Variants in GRIA4 observed in about 807,000 individuals in gnomAD.
GRIA4 encodes the protein glutamate receptor 4.
GRIA4 carries 34 observed loss-of-function variants against 104.0 expected under a neutral mutation model. That is an observed-to-expected ratio of 0.33 (90% CI 0.25 to 0.44). The LOEUF (loss-of-function observed/expected upper bound fraction) is 0.44, where lower values mean the gene tolerates loss of function less well. Ranked by LOEUF, GRIA4 falls within the 20% of genes least tolerant of loss-of-function variation. The pLI is 1.00. For synonymous variants in GRIA4, 386 were observed against 381.9 expected (o/e 1.01, Z -0.13); for missense variants, 750 against 1,096.5 (o/e 0.68, Z 4.46).
At chr11:105,873,145 A>C (rs112150026) in intron 5 of GRIA4, among the ~76,000 whole-genome samples, 15 of 151,658 alleles carry the variant, frequency 9.9e-5, no homozygotes, top group African/African-American at 3.6e-4. Context: ...TCATTGTTCA[A>C]CTCTCACTTA....
rs965108811 is a variant in GRIA4 at position 105,748,312 on chromosome 11, G to A, written c.248-4669G>A. ...TGGGCTTCCTCACAGCATGGTGGCT[G>A]AGTAAAAAGGTTGTCTATCCCCAGA... On this transcript the variant is annotated intron_variant, in intron 3 of 16. Coordinates refer to ENST00000282499, the MANE Select transcript of GRIA4 (RefSeq NM_000829.4). Among the ~76,000 whole-genome samples the A allele has an allele frequency of 2.0e-4, 30 of 152,114 alleles. 1 individual carries two copies. The highest frequency in any genetic ancestry group is 1.8e-3 in the Admixed American group (28 of 15,262).
intron 8 of GRIA4, among the ~76,000 whole-genome samples, chr11:105,904,655 A>G (rs1473699287): frequency 6.6e-6 from 1 of 152,198 alleles, no homozygotes; most frequent in South Asian, 2.1e-4. Flanking sequence ...TACATATTTA[A>G]TGTTACATTT....
intron 3 of GRIA4, among the ~76,000 whole-genome samples, chr11:105,634,402 A>G (rs1458893287): frequency 6.8e-6 from 1 of 147,924 alleles, no homozygotes; most frequent in Non-Finnish European, 1.5e-5. Flanking sequence ...GAAGGAAGGA[A>G]GGAGAAAGGA....
chr11:105,617,839 A>C (rs2135260935), intron 3 of GRIA4, among the ~76,000 whole-genome samples: 1 of 152,152 alleles, frequency 6.6e-6, no homozygotes, highest in East Asian at 1.9e-4. Context: ...TGGGAAAGAG[A>C]GACAAGTCAG....
At chr11:105,976,071 G>A (rs1858966295) in intron 16 of GRIA4, among the ~76,000 whole-genome samples, 1 of 152,052 alleles carries the variant, frequency 6.6e-6, no homozygotes, top group Non-Finnish European at 1.5e-5. Flanking sequence ...TGTTTACAGA[G>A]TTGATGAGAG....
intron 5 of GRIA4, among the ~76,000 whole-genome samples, chr11:105,865,091 G>A (rs775791327): frequency 4.6e-5 from 7 of 151,990 alleles, no homozygotes; most frequent in South Asian, 2.1e-4. Context: ...GAACTAATTC[G>A]TTCTTATAAA....
intron 3 of GRIA4, among the ~76,000 whole-genome samples, chr11:105,686,525 C>A (rs1376588411): frequency 6.6e-6 from 1 of 152,116 alleles, no homozygotes; most frequent in African/African-American, 2.4e-5. Context: ...AATAGAGCTG[C>A]AATAATCATG....
intron 3 of GRIA4, among the ~76,000 whole-genome samples, chr11:105,661,868 T>C (rs1387530796): frequency 2.0e-5 from 3 of 151,856 alleles, no homozygotes; most frequent in African/African-American, 7.2e-5. Flanking sequence ...ACATATTTTT[T>C]GTTTTTTCTT....
At chr11:105,610,877 T>C (rs1169133483) in intron 1 of GRIA4, 31 bp from the exon 2 acceptor site, 36 of 458,954 alleles carry the variant, frequency 7.8e-5, no homozygotes, top group South Asian at 1.3e-4. Flanking sequence ...TTTCTTTTTT[T>C]TTTTTTTTTT....
intron 12 of GRIA4, 47 bp from the exon 13 acceptor site, chr11:105,926,692 CTA>C (rs1477586555): frequency 9.0e-7 from 1 of 1,111,522 alleles, no homozygotes; most frequent in Non-Finnish European, 1.4e-6. Flanking sequence ...TTTTCTTTCT[CTA>C]TGTTGGTTAA....
At chr11:105,741,557 A>C (rs547968319) in intron 3 of GRIA4, among the ~76,000 whole-genome samples, 86 of 152,298 alleles carry the variant, frequency 5.6e-4, no homozygotes, top group African/African-American at 1.9e-3. Flanking sequence ...AACTCTGGAA[A>C]GTATGCTTGT....
At chr11:105,800,550 CA>C (rs917524999) in intron 4 of GRIA4, among the ~76,000 whole-genome samples, 2 of 151,930 alleles carry the variant, frequency 1.3e-5, no homozygotes, top group African/African-American at 4.8e-5. Context: ...AACAAAAATA[CA>C]TAAAATTAAT....
chr11:105,650,715 A>T (rs1039305619), intron 3 of GRIA4, among the ~76,000 whole-genome samples: 9 of 151,970 alleles, frequency 5.9e-5, no homozygotes, highest in Non-Finnish European at 1.2e-4. Context: ...TGTAGGGCAA[A>T]GGAACTGGAT....
In GRIA4 at chr11:105,767,773, C is replaced by T. The variant is rs190404663; in HGVS notation, c.487+14553C>T. Among the ~76,000 whole-genome samples the T allele has an allele frequency of 7.9e-5, 12 of 152,066 alleles. No homozygotes were observed. The South Asian group carries it at 2.1e-3, about 26-fold the overall frequency. On this transcript the variant is annotated intron_variant, in intron 4 of 16. Transcript: ENST00000282499. Reference sequence around the variant, plus strand: ...GGTGGTATTATTTCCATTTTTCAAACGAGAAAAATGCGACCCATAGAGATT... The same window carrying T: ...GGTGGTATTATTTCCATTTTTCAAATGAGAAAAATGCGACCCATAGAGATT...
intron 3 of GRIA4, among the ~76,000 whole-genome samples, chr11:105,682,525 G>T (rs1952743834): frequency 6.6e-6 from 1 of 152,118 alleles, no homozygotes; most frequent in Non-Finnish European, 1.5e-5. Context: ...CAGTACTTAT[G>T]GTTTAACAAC....
At chr11:105,698,421 T>G (rs567265564) in intron 3 of GRIA4, among the ~76,000 whole-genome samples, 1 of 152,246 alleles carries the variant, frequency 6.6e-6, no homozygotes, top group African/African-American at 2.4e-5. Context: ...CAAATTAAGA[T>G]AGTAGTCATA....
intron 11 of GRIA4, among the ~76,000 whole-genome samples, chr11:105,923,814 T>G (rs765883769): frequency 4.6e-5 from 7 of 152,166 alleles, no homozygotes; most frequent in Non-Finnish European, 8.8e-5. Flanking sequence ...TTCCAGATTT[T>G]TGTGTGTGTG....
chr11:105,965,935 T>A, intron 14 of GRIA4: 1 of 1,545,854 alleles, frequency 6.5e-7, no homozygotes, highest in South Asian at 1.1e-5. Context: ...AAATATGTTT[T>A]ATCGTTTCAA....
chr11:105,925,696 C>A (rs1211891861), intron 12 of GRIA4, among the ~76,000 whole-genome samples: 2 of 151,854 alleles, frequency 1.3e-5, no homozygotes, highest in Non-Finnish European at 2.9e-5. Flanking sequence ...AAAAAGAAAT[C>A]AAAGTAAGTC....
Sources: allele counts gnomAD v4.1 joint callset (sites outside exome capture counted in the v4.1 genomes callset), GRCh38; gene constraint gnomAD v4.1.1; transcripts MANE v1.5; gene names NCBI Gene and HGNC (gene_info 2026-07-23, HGNC 2026-07-21).